Variants in MCPH1 observed in about 807,000 individuals in gnomAD.
MCPH1 encodes microcephalin.
Under a neutral mutation model 84.5 loss-of-function variants are expected in MCPH1, and 104 were observed. That is an observed-to-expected ratio of 1.23 (90% CI 1.05 to 1.45). The LOEUF (loss-of-function observed/expected upper bound fraction) is 1.45. MCPH1 is among the 40% of genes most tolerant of loss of function. The pLI is 0.00. For synonymous variants in MCPH1, 514 were observed against 366.8 expected (o/e 1.40, Z -4.58); for missense variants, 1,498 against 1,005.7 (o/e 1.49, Z -6.62).
chr8:6,534,510 C>A (rs1344415693), intron 12 of MCPH1, among the ~76,000 whole-genome samples: 1 of 152,092 alleles, frequency 6.6e-6, no homozygotes, highest in Non-Finnish European at 1.5e-5. Flanking sequence ...CTCAAGCCAT[C>A]CACCCGCCTC....
intron 2 of MCPH1, among the ~76,000 whole-genome samples, 156 bp downstream of exon 2, chr8:6,409,526 G>A (rs182991998): frequency 2.8e-4 from 42 of 152,228 alleles, no homozygotes; most frequent in African/African-American, 8.7e-4. Flanking sequence ...GAAGAATTTA[G>A]AACAGTAGGA....
At chr8:6,510,649 C>G (rs1400010952) in intron 12 of MCPH1, among the ~76,000 whole-genome samples, 1 of 152,178 alleles carries the variant, frequency 6.6e-6, no homozygotes, top group African/African-American at 2.4e-5. Flanking sequence ...CGAGGTCAGA[C>G]TCTTAAGTCA....
intron 12 of MCPH1, among the ~76,000 whole-genome samples, chr8:6,584,198 C>CT (rs1252918160): frequency 6.6e-6 from 1 of 152,108 alleles, no homozygotes; most frequent in Non-Finnish European, 1.5e-5. Flanking sequence ...TCAATACACA[C>CT]TTTAAAAATA....
intron 12 of MCPH1, among the ~76,000 whole-genome samples, chr8:6,510,655 A>G (rs60285325): frequency 0.088 from 13,333 of 152,182 alleles, 1,081 homozygotes; most frequent in African/African-American, 0.21. Context: ...CAGACTCTTA[A>G]GTCATGGAGG....
chr8:6,515,787 C>G (rs2979673), intron 12 of MCPH1, among the ~76,000 whole-genome samples: 35,235 of 152,120 alleles, frequency 0.23, 5,303 homozygotes, highest in Middle Eastern at 0.41. Flanking sequence ...GTCCCATGGT[C>G]TTTTTGAGAA....
chr8:6,537,078 G>C (rs1011650724), intron 12 of MCPH1, among the ~76,000 whole-genome samples: 2 of 151,622 alleles, frequency 1.3e-5, no homozygotes, highest in African/African-American at 2.4e-5. Flanking sequence ...CATCTGCACC[G>C]AACTGCTCTC....
chr8:6,425,806 G>C (rs1427959818), intron 3 of MCPH1, among the ~76,000 whole-genome samples: 1 of 152,194 alleles, frequency 6.6e-6, no homozygotes, highest in South Asian at 2.1e-4. Context: ...TTTCCAGCAC[G>C]GTTGGTGTGA....
At chr8:6,418,147 C>G (rs1799589172) in intron 3 of MCPH1, among the ~76,000 whole-genome samples, 1 of 152,028 alleles carries the variant, frequency 6.6e-6, no homozygotes, top group Admixed American at 6.6e-5. Context: ...GAGTCCTTAC[C>G]TCATTTCTCT....
chr8:6,626,184 C>T (rs1425119825), intron 13 of MCPH1: 1 of 985,248 alleles, frequency 1.0e-6, no homozygotes, highest in African/African-American at 1.7e-5. Context: ...AGCTCGCCCG[C>T]CACCCCAGCT....
At chr8:6,414,715 G>A (rs370885438) in intron 2 of MCPH1, 50 bp from the exon 3 acceptor site, 7 of 1,601,190 alleles carry the variant, frequency 4.4e-6, no homozygotes, top group Non-Finnish European at 6.0e-6. Flanking sequence ...TTGTAGTTAA[G>A]TTGTGAATGA....
intron 12 of MCPH1, chr8:6,508,866 C>G (rs1273247768): frequency 6.2e-7 from 1 of 1,606,544 alleles, no homozygotes; most frequent in Admixed American, 1.7e-5. Context: ...GTCCAAATTG[C>G]CAGCCTTTCC....
At chr8:6,463,288 A>G (rs1240350294) in intron 9 of MCPH1, among the ~76,000 whole-genome samples, 1 of 152,156 alleles carries the variant, frequency 6.6e-6, no homozygotes, top group Non-Finnish European at 1.5e-5. Context: ...TCAGTTTTCG[A>G]GAGATGCTTT....
chr8:6,484,126 A>T (rs947431829), intron 11 of MCPH1, among the ~76,000 whole-genome samples: 1 of 152,246 alleles, frequency 6.6e-6, no homozygotes, highest in Non-Finnish European at 1.5e-5. Context: ...TATTATGAAG[A>T]GATCAGAAGA....
chr8:6,489,942 C>T (rs952666086), intron 11 of MCPH1, among the ~76,000 whole-genome samples: 6 of 152,198 alleles, frequency 3.9e-5, no homozygotes, highest in Non-Finnish European at 7.3e-5. Context: ...ACCAACAAGT[C>T]GAGAGGGTAC....
chr8:6,433,645 A>C (rs1184280089), intron 4 of MCPH1, among the ~76,000 whole-genome samples: 1 of 151,662 alleles, frequency 6.6e-6, no homozygotes, highest in Non-Finnish European at 1.5e-5. Flanking sequence ...AAAAAAAAAA[A>C]AAAAAAAAAA....
Position 6,521,398 on chromosome 8 carries a change from C to G in MCPH1, c.2214+21469C>G, listed in dbSNP as rs375253394. 6 of 1,608,882 alleles carry G rather than the reference C, an allele frequency of 3.7e-6. No homozygotes were observed. In the African/African-American group the frequency reaches 6.7e-5, roughly 18 times the overall value. ...GCTTGTCTTCCATAGCTAGCACCTT[C>G]TTTTCTAGGAAACTTGTAAGGAAAA... On this transcript the variant is annotated intron_variant, in intron 12 of 13. Coordinates refer to ENST00000344683, the MANE Select transcript of MCPH1 (RefSeq NM_024596.5).
intron 9 of MCPH1, among the ~76,000 whole-genome samples, chr8:6,458,151 C>G (rs1410952498): frequency 6.6e-6 from 1 of 152,066 alleles, no homozygotes; most frequent in Non-Finnish European, 1.5e-5. Flanking sequence ...CATTTTTAGA[C>G]TCTAAAATTA....
intron 12 of MCPH1, among the ~76,000 whole-genome samples, chr8:6,565,993 G>T (rs1157259139): frequency 6.6e-6 from 1 of 152,206 alleles, no homozygotes; most frequent in Admixed American, 6.5e-5. Context: ...ACTCTGTCCA[G>T]TGTCAGATGG....
chr8:6,598,036 C>T (rs1829060445), intron 12 of MCPH1, among the ~76,000 whole-genome samples: 1 of 152,190 alleles, frequency 6.6e-6, no homozygotes, highest in African/African-American at 2.4e-5. Context: ...CTTTTCCAGC[C>T]AACATCAGCT....
Sources: allele counts gnomAD v4.1 joint callset (sites outside exome capture counted in the v4.1 genomes callset), GRCh38; gene constraint gnomAD v4.1.1; transcripts MANE v1.5; gene names NCBI Gene and HGNC (gene_info 2026-07-23, HGNC 2026-07-21).